ADGRL3: variants seen among roughly 807,000 people sequenced by gnomAD.
The protein encoded by ADGRL3 is calcium-independent alpha-latrotoxin receptor 3.
ADGRL3 carries 62 observed loss-of-function variants against 153.5 expected under a neutral mutation model. The ratio of observed to expected loss-of-function variants is 0.40; its 90% CI spans 0.33 to 0.50. The LOEUF (loss-of-function observed/expected upper bound fraction) is 0.50. Among genes scored for constraint, ADGRL3 ranks in the 20% least tolerant of loss-of-function variants. The probability of loss-of-function intolerance (pLI) is 0.47; values close to 1 mark genes in which losing one functional copy is unlikely to be tolerated. For synonymous variants in ADGRL3, 710 were observed against 672.5 expected (o/e 1.06, Z -0.86); for missense variants, 1,641 against 1,859.4 (o/e 0.88, Z 2.16).
At chr4:61,460,310 C>T (rs962116864) in intron 2 of ADGRL3, among the ~76,000 whole-genome samples, 13 of 151,996 alleles carry the variant, frequency 8.6e-5, no homozygotes, top group African/African-American at 3.1e-4. Context: ...CCCAGAACCA[C>T]TTATTGAAGA....
chr4:61,717,591 G>C (rs1277223265), intron 6 of ADGRL3, among the ~76,000 whole-genome samples: 1 of 152,132 alleles, frequency 6.6e-6, no homozygotes, highest in Non-Finnish European at 1.5e-5. Context: ...TAAGTTAGTA[G>C]TAAGAGTTTA....
intron 8 of ADGRL3, among the ~76,000 whole-genome samples, chr4:61,742,413 G>C (rs758750872): frequency 6.6e-6 from 1 of 151,938 alleles, no homozygotes; most frequent in Non-Finnish European, 1.5e-5. Context: ...CGAGTAGCTG[G>C]GACTACAGGC....
At chr4:61,798,179 T>C (rs917185044) in intron 8 of ADGRL3, among the ~76,000 whole-genome samples, 1 of 152,222 alleles carries the variant, frequency 6.6e-6, no homozygotes, top group Non-Finnish European at 1.5e-5. Flanking sequence ...TGTGTTGTAC[T>C]TATTAGTAAT....
At chr4:61,477,230 A>T (rs569088325) in intron 2 of ADGRL3, among the ~76,000 whole-genome samples, 1 of 152,314 alleles carries the variant, frequency 6.6e-6, no homozygotes, top group Non-Finnish European at 1.5e-5. Flanking sequence ...TCCATTATTA[A>T]GTCAGAAAAT....
intron 17 of ADGRL3, among the ~76,000 whole-genome samples, chr4:61,949,433 C>T (rs1282174160): frequency 1.3e-5 from 2 of 152,238 alleles, no homozygotes; most frequent in Non-Finnish European, 2.9e-5. Context: ...CATGGTGGCT[C>T]ATGCCTGTAA....
chr4:61,642,138 GT>G (rs2093708307), intron 5 of ADGRL3, among the ~76,000 whole-genome samples: 1 of 147,706 alleles, frequency 6.8e-6, no homozygotes, highest in African/African-American at 2.5e-5. Flanking sequence ...GGGGTTGTTT[GT>G]TTTTTTCTTG....
At chr4:61,283,920 A>G (rs749521221) in intron 1 of ADGRL3, among the ~76,000 whole-genome samples, 18 of 151,952 alleles carry the variant, frequency 1.2e-4, no homozygotes, top group Non-Finnish European at 2.2e-4. Context: ...GATTTATAGT[A>G]TTAAGGTCCA....
chr4:61,997,509 A>G (rs976390309), intron 20 of ADGRL3, among the ~76,000 whole-genome samples: 2 of 142,216 alleles, frequency 1.4e-5, no homozygotes, highest in Middle Eastern at 3.3e-3. Context: ...AAATTAATCA[A>G]GTGGTAAAGG....
intron 4 of ADGRL3, among the ~76,000 whole-genome samples, chr4:61,568,592 C>T (rs568902589): frequency 6.6e-6 from 1 of 152,230 alleles, no homozygotes; most frequent in East Asian, 1.9e-4. Context: ...GTGGTGAAGT[C>T]AGGATTCCTT....
intron 6 of ADGRL3, among the ~76,000 whole-genome samples, chr4:61,689,731 T>G (rs1314884574): frequency 6.6e-6 from 1 of 152,176 alleles, no homozygotes; most frequent in Non-Finnish European, 1.5e-5. Flanking sequence ...ATGATCCTGA[T>G]GTGACTGATT....
intron 21 of ADGRL3, among the ~76,000 whole-genome samples, chr4:62,003,922 A>C (rs1417678540): frequency 6.6e-6 from 1 of 152,140 alleles, no homozygotes; most frequent in African/African-American, 2.4e-5. Context: ...CACCTGCCAT[A>C]TGCTAAGAAA....
intron 8 of ADGRL3, among the ~76,000 whole-genome samples, chr4:61,801,790 A>G (rs543003042): frequency 6.6e-6 from 1 of 152,286 alleles, no homozygotes; most frequent in South Asian, 2.1e-4. Context: ...CTGAAAGTAT[A>G]TTATCAAGAC....
At chr4:61,822,289 G>C (rs922372718) in intron 9 of ADGRL3, among the ~76,000 whole-genome samples, 17 of 152,116 alleles carry the variant, frequency 1.1e-4, no homozygotes, top group Admixed American at 2.0e-4. Context: ...AGAGAGTATA[G>C]CTTGTTAATA....
At chr4:61,590,346 T>G (rs1441428159) in intron 5 of ADGRL3, among the ~76,000 whole-genome samples, 1 of 151,906 alleles carries the variant, frequency 6.6e-6, no homozygotes, top group Non-Finnish European at 1.5e-5. Flanking sequence ...GGTTTCTATT[T>G]CTTTTTGTTT....
intron 2 of ADGRL3, among the ~76,000 whole-genome samples, chr4:61,391,075 G>A (rs1044991614): frequency 6.6e-6 from 1 of 152,086 alleles, no homozygotes; most frequent in African/African-American, 2.4e-5. Context: ...AATTTGTAAT[G>A]ATAATAAAGA....
chr4:61,840,682 G>A (rs1037387706), intron 9 of ADGRL3, among the ~76,000 whole-genome samples: 1 of 152,114 alleles, frequency 6.6e-6, no homozygotes, highest in African/African-American at 2.4e-5. Context: ...CCCCTCCTTA[G>A]ATGAGAATTT....
At chr4:61,294,991 C>G (rs2094358000) in intron 1 of ADGRL3, among the ~76,000 whole-genome samples, 1 of 151,590 alleles carries the variant, frequency 6.6e-6, no homozygotes, top group Non-Finnish European at 1.5e-5. Flanking sequence ...CTGAGGTTAG[C>G]CATGGTCTTA....
intron 1 of ADGRL3, among the ~76,000 whole-genome samples, chr4:61,309,463 A>G (rs761844724): frequency 1.8e-4 from 27 of 152,312 alleles, no homozygotes; most frequent in Non-Finnish European, 3.5e-4. Flanking sequence ...TACGTCCACC[A>G]TAATATTTTT....
intron 3 of ADGRL3, among the ~76,000 whole-genome samples, chr4:61,497,666 C>A (rs1245755139): frequency 6.7e-6 from 1 of 148,150 alleles, no homozygotes; most frequent in Non-Finnish European, 1.5e-5. Context: ...CAGGCGCCCA[C>A]CACCACGCCT....
Sources: allele counts gnomAD v4.1 joint callset (sites outside exome capture counted in the v4.1 genomes callset), GRCh38; gene constraint gnomAD v4.1.1; transcripts MANE v1.5; gene names NCBI Gene and HGNC (gene_info 2026-07-23, HGNC 2026-07-21).